The following STK32B variants were observed in gnomAD, a reference collection of about 807,000 sequenced individuals.
STK32B encodes serine/threonine kinase 32B, also known as serine/threonine-protein kinase 32B.
In STK32B, 43 loss-of-function variants were observed where a neutral mutation model predicts 52.6. The ratio of observed to expected loss-of-function variants is 0.82; its 90% confidence interval spans 0.64 to 1.05. The LOEUF is 1.05. Ranked by LOEUF, STK32B falls within the 50% of genes least tolerant of loss-of-function variation. The pLI is 0.00. For missense variants in STK32B, 621 were observed against 534.6 expected (o/e 1.16, Z -1.59); for synonymous variants, 238 against 204.3 (o/e 1.17, Z -1.41).
At chr4:5,468,778 G>C (rs1485454222) in intron 11 of STK32B, among the ~76,000 whole-genome samples, 19 of 152,102 alleles carry the variant, frequency 1.2e-4, no homozygotes, top group Admixed American at 1.2e-3. Context: ...AATATCTAGA[G>C]GAGGCCGGGC....
chr4:5,061,021 C>A (rs774680105), intron 1 of STK32B, among the ~76,000 whole-genome samples: 7 of 152,186 alleles, frequency 4.6e-5, no homozygotes, highest in Non-Finnish European at 1.0e-4. Flanking sequence ...CTTCTTGAAT[C>A]TGTATCTTAG....
At chr4:5,491,517 A>G (rs1319621894) in intron 11 of STK32B, among the ~76,000 whole-genome samples, 1 of 151,652 alleles carries the variant, frequency 6.6e-6, no homozygotes, top group African/African-American at 2.4e-5. Context: ...ATTTTCTCCC[A>G]TTTTGTAGGT....
At chr4:5,137,835 G>T (rs1486240223) in intron 1 of STK32B, among the ~76,000 whole-genome samples, 1 of 152,158 alleles carries the variant, frequency 6.6e-6, no homozygotes, top group Non-Finnish European at 1.5e-5. Flanking sequence ...CGTGTCAAAG[G>T]CCAATGAAAA....
intron 3 of STK32B, among the ~76,000 whole-genome samples, chr4:5,192,301 C>A (rs1354413833): frequency 1.3e-5 from 2 of 152,202 alleles, no homozygotes; most frequent in Non-Finnish European, 2.9e-5. Flanking sequence ...CTCCAGGACA[C>A]CTTGTGCAAC....
chr4:5,321,261 C>A (rs1731470569), intron 3 of STK32B, among the ~76,000 whole-genome samples: 1 of 151,982 alleles, frequency 6.6e-6, no homozygotes, highest in Non-Finnish European at 1.5e-5. Context: ...GAGCCTCGGT[C>A]AATGGTATTA....
chr4:5,385,072 A>T (rs1736157868), intron 4 of STK32B, among the ~76,000 whole-genome samples: 1 of 152,128 alleles, frequency 6.6e-6, no homozygotes, highest in African/African-American at 2.4e-5. Flanking sequence ...TGACTGCAAC[A>T]AGGAAGGAAG....
intron 5 of STK32B, among the ~76,000 whole-genome samples, chr4:5,403,855 A>G (rs565846073): frequency 1.3e-5 from 2 of 152,292 alleles, no homozygotes; most frequent in South Asian, 2.1e-4. Flanking sequence ...GAAGCCACTC[A>G]TACAAGATGG....
intron 11 of STK32B, among the ~76,000 whole-genome samples, chr4:5,480,666 T>C (rs1226981213): frequency 3.9e-5 from 6 of 152,146 alleles, no homozygotes; most frequent in African/African-American, 1.4e-4. Context: ...TGTGCCATGT[T>C]GGTGTGCTGC....
intron 4 of STK32B, among the ~76,000 whole-genome samples, chr4:5,353,755 G>A (rs1016758241): frequency 1.3e-5 from 2 of 152,172 alleles, no homozygotes; most frequent in East Asian, 3.8e-4. Flanking sequence ...TGCTGGTGAG[G>A]ATGTAAAGAA....
intron 3 of STK32B, among the ~76,000 whole-genome samples, chr4:5,228,467 T>G (rs1724023307): frequency 6.6e-6 from 1 of 152,232 alleles, no homozygotes; most frequent in Non-Finnish European, 1.5e-5. Context: ...AATGGATAGC[T>G]TATCCTGAAT....
chr4:5,306,814 G>T (rs550695014), intron 3 of STK32B, among the ~76,000 whole-genome samples: 102 of 152,186 alleles, frequency 6.7e-4, no homozygotes, highest in Middle Eastern at 3.4e-3. Flanking sequence ...TCTTTAAGCA[G>T]TTCTTGTAAT....
chr4:5,213,529 T>G (rs1723021151), intron 3 of STK32B, among the ~76,000 whole-genome samples: 1 of 152,224 alleles, frequency 6.6e-6, no homozygotes, highest in Non-Finnish European at 1.5e-5. Flanking sequence ...CAGATAGAGA[T>G]CAATCTATCA....
chr4:5,040,707 G>A, the STK32B span, among the ~76,000 whole-genome samples: 30 of 152,028 alleles, frequency 2.0e-4, no homozygotes, highest in Non-Finnish European at 1.3e-4. Context: ...AACTTTTAAG[G>A]CCTGTCTCCT....
chr4:5,221,236 G>A (rs1440605041), intron 3 of STK32B, among the ~76,000 whole-genome samples: 2 of 152,102 alleles, frequency 1.3e-5, no homozygotes, highest in Non-Finnish European at 1.5e-5. Context: ...GTAATAGGTG[G>A]CATCTCTACC....
intron 1 of STK32B, among the ~76,000 whole-genome samples, chr4:5,118,458 C>G (rs563274080): frequency 6.6e-6 from 1 of 152,352 alleles, no homozygotes; most frequent in Non-Finnish European, 1.5e-5. Flanking sequence ...ACTCCCGCCC[C>G]AGGCCTTTGC....
intron 4 of STK32B, among the ~76,000 whole-genome samples, chr4:5,363,222 T>A (rs939982326): frequency 6.6e-6 from 1 of 152,232 alleles, no homozygotes; most frequent in African/African-American, 2.4e-5. Context: ...AAATACATCT[T>A]TTATATAGAT....
chr4:5,120,141 C>G (rs1307372394), intron 1 of STK32B, among the ~76,000 whole-genome samples: 1 of 152,204 alleles, frequency 6.6e-6, no homozygotes, highest in East Asian at 1.9e-4. Context: ...TCCAGTGGAT[C>G]CACGCTATAG....
intron 1 of STK32B, among the ~76,000 whole-genome samples, chr4:5,079,670 C>T (rs1438943667): frequency 6.6e-6 from 1 of 152,126 alleles, no homozygotes; most frequent in Non-Finnish European, 1.5e-5. Context: ...ATCCTTGATG[C>T]TTTGATTACT....
intron 8 of STK32B, among the ~76,000 whole-genome samples, chr4:5,459,690 C>A (rs544757707): frequency 6.6e-6 from 1 of 152,162 alleles, no homozygotes; most frequent in Non-Finnish European, 1.5e-5. Context: ...TCGTAGCTGT[C>A]CAGGTATAAA....
Sources: allele counts gnomAD v4.1 joint callset (sites outside exome capture counted in the v4.1 genomes callset), GRCh38; gene constraint gnomAD v4.1.1; transcripts MANE v1.5; gene names NCBI Gene and HGNC (gene_info 2026-07-23, HGNC 2026-07-21).